Variants in SCNN1B observed in about 807,000 individuals in gnomAD.
The protein encoded by SCNN1B is sodium channel epithelial 1 subunit beta.
In SCNN1B, 46 loss-of-function variants were observed where a neutral mutation model predicts 65.3. The ratio of observed to expected loss-of-function variants is 0.70; its 90% CI spans 0.56 to 0.90. The LOEUF (loss-of-function observed/expected upper bound fraction) is 0.90. Among genes scored for constraint, SCNN1B ranks in the 40% least tolerant of loss-of-function variants. SCNN1B has a pLI of 0.00. For synonymous variants in SCNN1B, 349 were observed against 330.6 expected, an observed-to-expected ratio of 1.06 and a Z score of -0.60; for missense variants, 751 against 830.5, an observed-to-expected ratio of 0.90 and a Z score of 1.18.
chr16:23,380,026 G>C lies in SCNN1B; in HGVS notation c.1467-68G>C. Reference sequence around the variant, plus strand: ...CATGTGTGTGCATGTGTCTATGTGCGTGTGTGTGTGTCTGTCTGTTTGGAA... The same window carrying C: ...CATGTGTGTGCATGTGTCTATGTGCCTGTGTGTGTGTCTGTCTGTTTGGAA... On this transcript the variant is annotated intron_variant, in intron 11 of 12. Coordinates refer to ENST00000343070, the MANE Select transcript of SCNN1B (RefSeq NM_000336.3). This position sits in a 1 kb window ranked among gnomAD's most constrained non-coding sequence, Gnocchi z 5.4. 9.0e-7 allele frequency: 1 copy of C among 1,108,512 alleles called. No individual in the cohort carries two copies. The highest frequency in any genetic ancestry group is 1.4e-6 in the Non-Finnish European group (1 of 721,674). The allele number at this position is 1,108,512 out of a possible 1,614,324, so 68.7% of individuals were successfully genotyped here. A position where few individuals can be genotyped will look rare whatever the true frequency, so the allele number is the denominator to read the frequency against.
At chr16:23,363,805 C>T (rs1160321529) in intron 4 of SCNN1B, among the ~76,000 whole-genome samples, 10 of 147,938 alleles carry the variant, frequency 6.8e-5, no homozygotes, top group Non-Finnish European at 1.2e-4. Context: ...CAGAGTGACA[C>T]CCTGTCTCTA....
chr16:23,327,805 T>C (rs1196978468), intron 1 of SCNN1B, among the ~76,000 whole-genome samples: 1 of 152,206 alleles, frequency 6.6e-6, no homozygotes, highest in Non-Finnish European at 1.5e-5. Flanking sequence ...CATGACAAGA[T>C]GGGTCCTCCA....
intron 1 of SCNN1B, among the ~76,000 whole-genome samples, chr16:23,306,399 C>T (rs972075716): frequency 6.6e-6 from 1 of 152,104 alleles, no homozygotes; most frequent in Non-Finnish European, 1.5e-5. Context: ...AGTACAGTGC[C>T]TGACTCAAGT....
intron 1 of SCNN1B, among the ~76,000 whole-genome samples, chr16:23,306,321 A>G (rs1425761741): frequency 6.6e-6 from 1 of 152,142 alleles, no homozygotes; most frequent in Non-Finnish European, 1.5e-5. Flanking sequence ...TAAAACAGGC[A>G]TAATAAATAG....
intron 1 of SCNN1B, among the ~76,000 whole-genome samples, chr16:23,347,753 C>T (rs1962219377): frequency 6.6e-6 from 1 of 152,000 alleles, no homozygotes; most frequent in Non-Finnish European, 1.5e-5. Flanking sequence ...ACTAAAAATA[C>T]AAAAATTCAC....
chr16:23,318,763 A>G (rs1337746746), intron 1 of SCNN1B, among the ~76,000 whole-genome samples: 3 of 152,250 alleles, frequency 2.0e-5, no homozygotes, highest in Non-Finnish European at 4.4e-5. Flanking sequence ...CTAAGGGCCA[A>G]CGAAATTGCC....
At position 23,365,040 on chromosome 16, in the gene SCNN1B, C is replaced by T. The variant is rs180835738; in HGVS notation, c.777-2816C>T. Among the ~76,000 whole-genome samples the T allele has an allele frequency of 4.0e-5, 6 of 151,726 alleles. No homozygotes were observed. In the East Asian group the frequency reaches 7.8e-4, roughly 20 times the overall value. ...ACTCGGGAGGCTGAGGCAGGAGAAT[C>T]GCTTGAACACAGAGGGCAGAGGTTG... On this transcript the variant is annotated intron_variant, in intron 4 of 12. Coordinates refer to ENST00000343070, the MANE Select transcript of SCNN1B (RefSeq NM_000336.3).
At chr16:23,281,138 T>C (rs1192748254) in intron 1 of SCNN1B, among the ~76,000 whole-genome samples, 1 of 152,182 alleles carries the variant, frequency 6.6e-6, no homozygotes, top group African/African-American at 2.4e-5. Context: ...TCCATAAAGA[T>C]TTTTATTAAG....
intron 9 of SCNN1B, 29 bp from the exon 10 acceptor site, chr16:23,377,300 A>G (rs1246341416): frequency 3.1e-6 from 5 of 1,614,044 alleles, no homozygotes; most frequent in Middle Eastern, 3.3e-4. Context: ...ACTGGCAGGG[A>G]CCACAACAGG....
Position 23,318,707 on chromosome 16 carries a change from A to T in SCNN1B, c.-9+16270A>T, listed in dbSNP as rs148567563. On this transcript the variant is annotated intron_variant, in intron 1 of 12. Transcript: ENST00000343070. The stretch of plus-strand genomic sequence containing the variant: ...GTGGCTGTAAGAAGGAGATGAGATC[A>T]TGTGAGTAAAGCTAAGCACAGTGCC... 2.9e-3 allele frequency among the ~76,000 whole-genome samples: 435 copies of T among 152,376 alleles called. 3 individuals carry two copies. Among genetic ancestry groups the T allele is most frequent in the African/African-American group, 0.01 (420 of 41,582 alleles).
intron 1 of SCNN1B, among the ~76,000 whole-genome samples, chr16:23,339,114 T>C (rs751776179): frequency 1.5e-4 from 23 of 152,260 alleles, no homozygotes; most frequent in Admixed American, 2.6e-4. Context: ...GTTCATATAA[T>C]GGAATTCTAT....
At chr16:23,349,508 C>A (rs1255398825) in intron 2 of SCNN1B, among the ~76,000 whole-genome samples, 1 of 152,080 alleles carries the variant, frequency 6.6e-6, no homozygotes, top group Non-Finnish European at 1.5e-5. Context: ...CAAGAAGATG[C>A]CACTGCATTC....
chr16:23,325,428 A>G (rs935717361), intron 1 of SCNN1B, among the ~76,000 whole-genome samples: 5 of 151,682 alleles, frequency 3.3e-5, no homozygotes, highest in Admixed American at 1.3e-4. Flanking sequence ...CACCATGCCC[A>G]GCTAATTTTT....
chr16:23,311,271 A>C (rs1358115191), intron 1 of SCNN1B, among the ~76,000 whole-genome samples: 1 of 152,200 alleles, frequency 6.6e-6, no homozygotes, highest in Non-Finnish European at 1.5e-5. Context: ...CTTCAGGACC[A>C]ATGTAGGCCA....
At chr16:23,282,582 T>G (rs1182029677) in intron 1 of SCNN1B, among the ~76,000 whole-genome samples, 1 of 152,188 alleles carries the variant, frequency 6.6e-6, no homozygotes, top group Non-Finnish European at 1.5e-5. Flanking sequence ...GTAGGAGGCA[T>G]GACTCCATTC....
intron 7 of SCNN1B, among the ~76,000 whole-genome samples, chr16:23,374,708 G>A (rs1359418886): frequency 1.3e-5 from 2 of 152,012 alleles, no homozygotes; most frequent in Non-Finnish European, 2.9e-5. Flanking sequence ...ACTCGTTAGG[G>A]GTAATAGAAA....
chr16:23,296,804 AT>A (rs1285450773), intron 2 of SCNN1B, among the ~76,000 whole-genome samples: 7 of 152,078 alleles, frequency 4.6e-5, no homozygotes. Context: ...GATCGGGACC[AT>A]TCTGGCCAAT....
chr16:23,376,048 G>A (rs1962888127), intron 8 of SCNN1B, among the ~76,000 whole-genome samples, 193 bp downstream of exon 8: 2 of 152,210 alleles, frequency 1.3e-5, no homozygotes, highest in African/African-American at 4.8e-5. Context: ...CCTTCTCTCT[G>A]CTCCTCAATT....
intron 7 of SCNN1B, among the ~76,000 whole-genome samples, chr16:23,374,449 C>G (rs913657384): frequency 1.3e-5 from 2 of 150,834 alleles, no homozygotes; most frequent in East Asian, 3.9e-4. Context: ...TGGTGCATGC[C>G]TGTAATCCCA....
Sources: gnomAD v4.1 joint callset for allele counts (sites outside exome capture counted in the v4.1 genomes callset) on GRCh38, gnomAD v4.1.1 for gene constraint, Gnocchi (gnomAD v3.1) non-coding constraint, MANE v1.5 for transcripts, NCBI Gene and HGNC (gene_info 2026-07-23, HGNC 2026-07-21) for gene names.